USP25: variants seen among roughly 807,000 people sequenced by gnomAD.
USP25 encodes ubiquitin carboxyl-terminal hydrolase 25.
A neutral mutation model predicts 158.5 loss-of-function variants in USP25; 85 were observed. That is an observed-to-expected ratio of 0.54 (90% CI 0.45 to 0.64). The LOEUF (loss-of-function observed/expected upper bound fraction) is 0.64. Among genes scored for constraint, USP25 ranks in the 30% least tolerant of loss-of-function variants. USP25 has a pLI of 0.00. For synonymous variants in USP25, 464 were observed against 460.4 expected, an observed-to-expected ratio of 1.01 and a Z score of -0.10; for missense variants, 1,242 against 1,327.3, an observed-to-expected ratio of 0.94 and a Z score of 1.00.
At chr21:15,746,560 A>G (rs1353174390) in intron 1 of USP25, among the ~76,000 whole-genome samples, 1 of 151,898 alleles carries the variant, frequency 6.6e-6, no homozygotes, top group Non-Finnish European at 1.5e-5. Context: ...ACACCCGGCT[A>G]ATTTTTTGTA....
intron 5 of USP25, among the ~76,000 whole-genome samples, chr21:15,793,634 A>G (rs2035711471): frequency 6.6e-6 from 1 of 151,450 alleles, no homozygotes; most frequent in Non-Finnish European, 1.5e-5. Context: ...TCTTTTGGTG[A>G]AATCTAAACA....
chr21:15,747,634 A>G (rs2032665784), intron 1 of USP25, among the ~76,000 whole-genome samples: 1 of 152,140 alleles, frequency 6.6e-6, no homozygotes, highest in Non-Finnish European at 1.5e-5. Context: ...TCTTTTTCAA[A>G]ATATCCGATA....
At chr21:15,780,627 A>G (rs921210761) in intron 4 of USP25, among the ~76,000 whole-genome samples, 1 of 152,052 alleles carries the variant, frequency 6.6e-6, no homozygotes, top group Admixed American at 6.5e-5. Context: ...TTTTTTCCTC[A>G]TTACTTCTGT....
At chr21:15,840,753 G>C (rs1427557057) in intron 17 of USP25, among the ~76,000 whole-genome samples, 1 of 152,174 alleles carries the variant, frequency 6.6e-6, no homozygotes, top group Non-Finnish European at 1.5e-5. Flanking sequence ...ATTTTACAAA[G>C]ATTCTAGGTT....
Position 15,878,372 on chromosome 21 carries a change from T to A in USP25, c.3275T>A (p.Phe1092Tyr), listed in dbSNP as rs765408379. The A allele has an allele frequency of 6.2e-7, 1 of 1,614,104 alleles. No individual in the cohort carries two copies. ...LLDCSMEIKSFHEPPKLPSYS... is the reference protein window; with the variant it reads ...LLDCSMEIKSYHEPPKLPSYS... ...GATTGTTCTATGGAGATTAAAAGTT[T>A]CCATGAGCCACCGAAGTTACCTTCA... Residue 1092 changes from phenylalanine (F) to tyrosine (Y), a missense_variant, in exon 26 of 26, where the codon TTC becomes TAC. This residue lies in a region of USP25 where 608 missense variants were observed against 605.2 expected (regional missense o/e 1.00). Coordinates refer to ENST00000400183, the MANE Select transcript of USP25 (RefSeq NM_001283041.3).
intron 7 of USP25, chr21:15,805,543 G>A (rs139478029): frequency 3.2e-5 from 7 of 216,758 alleles, no homozygotes; most frequent in Middle Eastern, 1.6e-3. Flanking sequence ...TGATAACAGA[G>A]GATCATTATA....
chr21:15,851,978 T>A (rs1025961697), intron 20 of USP25, among the ~76,000 whole-genome samples: 3 of 152,130 alleles, frequency 2.0e-5, no homozygotes, highest in Admixed American at 2.0e-4. Context: ...CAAGAAAGCA[T>A]GGGCAAGAAT....
chr21:15,746,413 G>GT (rs536201989), intron 1 of USP25, among the ~76,000 whole-genome samples: 86 of 152,206 alleles, frequency 5.7e-4, no homozygotes, highest in African/African-American at 2.1e-3. Context: ...TGATGCTATT[G>GT]TAAGTGGTAT....
intron 20 of USP25, among the ~76,000 whole-genome samples, chr21:15,858,644 T>C (rs969873883): frequency 6.6e-6 from 1 of 152,060 alleles, no homozygotes; most frequent in African/African-American, 2.4e-5. Flanking sequence ...TCTTATTTCA[T>C]TTCTGGTTTT....
intron 14 of USP25, among the ~76,000 whole-genome samples, chr21:15,829,074 G>A (rs2146378152): frequency 6.6e-6 from 1 of 152,236 alleles, no homozygotes; most frequent in African/African-American, 2.4e-5. Flanking sequence ...CAACACACGG[G>A]TATGATGTAA....
At chr21:15,869,259 A>C (rs1416873788) in intron 22 of USP25, among the ~76,000 whole-genome samples, 1 of 152,104 alleles carries the variant, frequency 6.6e-6, no homozygotes, top group Non-Finnish European at 1.5e-5. Context: ...AAAAAAAAAA[A>C]AAAAAGTTTA....
chr21:15,812,165 G>A (rs958712179), intron 9 of USP25, among the ~76,000 whole-genome samples: 1 of 150,818 alleles, frequency 6.6e-6, no homozygotes, highest in African/African-American at 2.4e-5. Context: ...ATATATATAT[G>A]TAGAATATTT....
chr21:15,738,246 A>G (rs771392372), intron 1 of USP25, among the ~76,000 whole-genome samples: 3 of 152,182 alleles, frequency 2.0e-5, no homozygotes, highest in Non-Finnish European at 2.9e-5. Context: ...TGGAAAAGAA[A>G]GTTCTTTGCC....
In USP25 at chr21:15,731,161, G is replaced by C. The variant is rs1021890388; in HGVS notation, c.45+723G>C. Among the ~76,000 whole-genome samples the C allele has an allele frequency of 2.0e-5, 3 of 151,554 alleles. No individual in the cohort carries two copies. The East Asian group carries it at 5.8e-4, about 29-fold the overall frequency. Reference sequence around the variant, plus strand: ...CACTAAAGAAAACAATTAAAAAACTGTTTGTGAAACTTTATATCTTTAAAG... The same window carrying C: ...CACTAAAGAAAACAATTAAAAAACTCTTTGTGAAACTTTATATCTTTAAAG... On this transcript the variant is annotated intron_variant, in intron 1 of 25. Coordinates refer to ENST00000400183, the MANE Select transcript of USP25 (RefSeq NM_001283041.3).
chr21:15,811,606 A>G (rs1054994006), intron 9 of USP25, among the ~76,000 whole-genome samples: 13 of 152,176 alleles, frequency 8.5e-5, no homozygotes, highest in African/African-American at 3.1e-4. Context: ...AACTTAGCAT[A>G]GTCAGGGTAT....
intron 5 of USP25, among the ~76,000 whole-genome samples, chr21:15,794,697 C>T (rs550484623): frequency 2.6e-5 from 4 of 151,470 alleles, no homozygotes; most frequent in Non-Finnish European, 5.9e-5. Flanking sequence ...TCCTAAAGCC[C>T]TGCTGTGTAT....
At chr21:15,756,429 T>TA (rs1401020654) in intron 1 of USP25, among the ~76,000 whole-genome samples, 3 of 152,170 alleles carry the variant, frequency 2.0e-5, no homozygotes, top group Admixed American at 1.3e-4. Context: ...TCAACATTGA[T>TA]ATACAGCAAG....
At position 15,843,469 on chromosome 21, in the gene USP25, T is replaced by C. The variant is rs144196695; in HGVS notation, c.2337+929T>C. On this transcript the variant is annotated intron_variant, in intron 18 of 25. Coordinates refer to ENST00000400183, the MANE Select transcript of USP25 (RefSeq NM_001283041.3). The surrounding 1 kb of genome is among the most constrained non-coding windows in gnomAD (Gnocchi z 4.0). ...CTTTAGCCAAAATGTTCAAGAGATA[T>C]GGTACTCTGTTAATTTTGTTTTGAT... is the stretch of plus-strand genomic sequence containing the variant. Among the ~76,000 whole-genome samples, 2 of 152,226 alleles carry C rather than the reference T, an allele frequency of 1.3e-5. No homozygotes were observed. The highest frequency in any genetic ancestry group is 2.9e-5 in the Non-Finnish European group (2 of 68,038).
intron 17 of USP25, 127 bp downstream of exon 17, chr21:15,833,675 A>G: frequency 1.2e-6 from 1 of 840,170 alleles, no homozygotes; most frequent in South Asian, 2.0e-5. Context: ...TTCAAATTCC[A>G]TCACTCAGAT....
Sources: allele counts gnomAD v4.1 joint callset (sites outside exome capture counted in the v4.1 genomes callset), GRCh38; gene constraint gnomAD v4.1.1; regional missense constraint gnomAD v4.1.1; non-coding constraint Gnocchi (gnomAD v3.1); transcripts MANE v1.5; gene names NCBI Gene and HGNC (gene_info 2026-07-23, HGNC 2026-07-21).